PAH: variants seen among roughly 807,000 people sequenced by gnomAD.
PAH encodes the protein phenylalanine hydroxylase.
In PAH, 64 loss-of-function variants were observed where a neutral mutation model predicts 62.0. The observed-to-expected ratio is 1.03, with a 90% CI of 0.84 to 1.27. The LOEUF is 1.27. Among genes scored for constraint, PAH ranks in the 50% most tolerant of loss-of-function variants. The pLI is 0.00. For synonymous variants in PAH, 195 were observed against 196.2 expected (o/e 0.99, Z 0.05); for missense variants, 579 against 542.8 (o/e 1.07, Z -0.66).
At chr12:102,951,358 G>A (rs1879755646), upstream of PAH, among the ~76,000 whole-genome samples, 1 of 152,156 alleles carries the variant, frequency 6.6e-6, no homozygotes, top group African/African-American at 2.4e-5. Context: ...GGTCAACGAA[G>A]CAGAGTTGTT....
chr12:102,954,067 G>GC (rs1879842844), upstream of PAH, among the ~76,000 whole-genome samples: 1 of 152,172 alleles, frequency 6.6e-6, no homozygotes, highest in Admixed American at 6.5e-5. Context: ...GCCAACTAAA[G>GC]CCCTAAGGAC....
At chr12:102,943,528 T>G (rs1385482816) in intron 1 of PAH, among the ~76,000 whole-genome samples, 1 of 152,028 alleles carries the variant, frequency 6.6e-6, no homozygotes, top group African/African-American at 2.4e-5. Flanking sequence ...TCAAAGGACT[T>G]AAAACAGAAC....
At chr12:102,888,186 A>G (rs1281916989) in intron 3 of PAH, among the ~76,000 whole-genome samples, 1 of 152,130 alleles carries the variant, frequency 6.6e-6, no homozygotes, top group African/African-American at 2.4e-5. Context: ...ATTATATCAT[A>G]TAATCCACAC....
chr12:102,891,337 A>C (rs1324813215), intron 3 of PAH, among the ~76,000 whole-genome samples: 1 of 152,106 alleles, frequency 6.6e-6, no homozygotes, highest in Non-Finnish European at 1.5e-5. Flanking sequence ...ATGACCCCCC[A>C]GAACCCACTG....
intron 1 of PAH, among the ~76,000 whole-genome samples, chr12:102,934,589 T>G (rs1040436048): frequency 1.3e-5 from 2 of 152,100 alleles, no homozygotes; most frequent in African/African-American, 4.8e-5. Flanking sequence ...TGCATCCTCT[T>G]CAATTTCTTT....
At chr12:102,882,253 G>A (rs1028841866) in intron 3 of PAH, among the ~76,000 whole-genome samples, 2 of 152,176 alleles carry the variant, frequency 1.3e-5, no homozygotes, top group African/African-American at 4.8e-5. Context: ...GGATACTCAG[G>A]ATCTGGCCCT....
At chr12:102,841,630 C>T (rs1326473761) in intron 11 of PAH, among the ~76,000 whole-genome samples, 1 of 152,196 alleles carries the variant, frequency 6.6e-6, no homozygotes, top group Non-Finnish European at 1.5e-5. Flanking sequence ...TCATGAAGAA[C>T]AAATGGCCAA....
At position 102,866,626 on chromosome 12, in the gene PAH, T is replaced by C. The variant is rs199475601; in HGVS notation, c.479A>G (p.Gln160Arg). The change falls in exon 5 of 13, where the codon CAG (glutamine) becomes CGG (arginine). Residue 160 changes from glutamine (Q) to arginine (R), a missense_variant. Gln to Arg is a conservative substitution (Grantham distance 43). Coordinates refer to ENST00000553106, the MANE Select transcript of PAH (RefSeq NM_000277.3). ...GTAGTTGTAGGCAATGTCAGCAAAC[T>C]GCTTCCGTCTTGCACGGTACACAGG... ...KDPVYRARRK[Q>R]FADIAYNYRH... 1.2e-6 allele frequency: 2 copies of C among 1,613,820 alleles called. No individual in the cohort carries two copies. The highest frequency in any genetic ancestry group is 3.3e-5 in the Admixed American group (2 of 59,986).
At chr12:102,938,208 C>T (rs1003171279) in intron 1 of PAH, among the ~76,000 whole-genome samples, 2 of 152,174 alleles carry the variant, frequency 1.3e-5, no homozygotes, top group African/African-American at 4.8e-5. Flanking sequence ...GTATCCCCAC[C>T]ATGGGGAAAG....
chr12:102,955,256 T>C (rs976408156), upstream of PAH, among the ~76,000 whole-genome samples: 1 of 152,212 alleles, frequency 6.6e-6, no homozygotes, highest in African/African-American at 2.4e-5. Flanking sequence ...TCTCTGTGTA[T>C]GCATCCTGGA....
chr12:102,922,164 G>T (rs1878564738), upstream of PAH, among the ~76,000 whole-genome samples: 1 of 147,958 alleles, frequency 6.8e-6, no homozygotes, highest in African/African-American at 2.5e-5. Flanking sequence ...TACACAAATA[G>T]TAGCATACTA....
intron 2 of PAH, among the ~76,000 whole-genome samples, chr12:102,896,168 A>T (rs932049741): frequency 2.0e-5 from 3 of 152,168 alleles, no homozygotes; most frequent in Non-Finnish European, 4.4e-5. Context: ...AGATTGCAGG[A>T]CTAAATAGGG....
chr12:102,892,004 G>A (rs1307041334), intron 3 of PAH, among the ~76,000 whole-genome samples: 1 of 152,182 alleles, frequency 6.6e-6, no homozygotes, highest in Non-Finnish European at 1.5e-5. Flanking sequence ...AGGGAGGGCA[G>A]TCATTGGGGA....
At chr12:102,926,675 A>G (rs1301106247) in intron 1 of PAH, among the ~76,000 whole-genome samples, 1 of 152,108 alleles carries the variant, frequency 6.6e-6, no homozygotes, top group East Asian at 1.9e-4. Context: ...TCTAAACAGA[A>G]CCACAATTAA....
chr12:102,918,967 A>G (rs1878487548), upstream of PAH, among the ~76,000 whole-genome samples: 1 of 152,192 alleles, frequency 6.6e-6, no homozygotes, highest in Non-Finnish European at 1.5e-5. Flanking sequence ...CAGGCATGCA[A>G]TAAAGAAAAG....
intron 4 of PAH, among the ~76,000 whole-genome samples, chr12:102,874,582 A>G (rs1876483767): frequency 6.6e-6 from 1 of 152,244 alleles, no homozygotes. Context: ...AGCATTTAGC[A>G]TTGTGCCTGG....
chr12:102,866,072 A>G (rs926176125), intron 5 of PAH, among the ~76,000 whole-genome samples: 1 of 134,808 alleles, frequency 7.4e-6, no homozygotes, highest in Non-Finnish European at 1.6e-5. Flanking sequence ...GGAACACAGA[A>G]CCCCAGACAG....
chr12:102,885,372 A>C (rs1876990522), intron 3 of PAH, among the ~76,000 whole-genome samples: 2 of 152,348 alleles, frequency 1.3e-5, no homozygotes, highest in Admixed American at 6.5e-5. Context: ...AGATTAGCTC[A>C]TTAATGGCCT....
intron 4 of PAH, among the ~76,000 whole-genome samples, chr12:102,869,830 T>C (rs919337890): frequency 4.6e-5 from 7 of 152,226 alleles, no homozygotes; most frequent in African/African-American, 1.7e-4. Context: ...TAGCCGTCCA[T>C]GTGGAGTACA....
Sources: gnomAD v4.1 joint callset for allele counts (sites outside exome capture counted in the v4.1 genomes callset) on GRCh38, gnomAD v4.1.1 for gene constraint, MANE v1.5 for transcripts, NCBI Gene and HGNC (gene_info 2026-07-23, HGNC 2026-07-21) for gene names.